The following PRTFDC1 variants were observed in gnomAD, a reference collection of about 807,000 sequenced individuals.
PRTFDC1 encodes the protein phosphoribosyltransferase domain-containing protein 1.
PRTFDC1 carries 38 observed loss-of-function variants against 34.6 expected under a neutral mutation model. That is an observed-to-expected ratio of 1.10 (90% CI 0.85 to 1.44). PRTFDC1 has a LOEUF of 1.44. PRTFDC1 is among the 40% of genes most tolerant of loss of function. PRTFDC1 has a pLI of 0.00. For synonymous variants in PRTFDC1, 93 were observed against 98.1 expected (o/e 0.95, Z 0.31); for missense variants, 270 against 283.0 (o/e 0.95, Z 0.33).
intron 3 of PRTFDC1, among the ~76,000 whole-genome samples, chr10:24,904,748 T>C (rs1443688831): frequency 1.3e-5 from 2 of 152,206 alleles, no homozygotes; most frequent in Non-Finnish European, 2.9e-5. Flanking sequence ...TTACCTATGC[T>C]ACTGATCCTG....
chr10:24,885,555 G>A lies in PRTFDC1; in HGVS notation c.340-13492C>T, dbSNP rs892000685. Reference sequence around the variant, plus strand: ...TGAATAGCTGGGATTACAGATGTGCGCCATCATGCCAGGCTAATTTTTTTA... The same window carrying A: ...TGAATAGCTGGGATTACAGATGTGCACCATCATGCCAGGCTAATTTTTTTA... On this transcript the variant is annotated intron_variant, in intron 3 of 8. Coordinates refer to ENST00000320152, the MANE Select transcript of PRTFDC1 (RefSeq NM_020200.7). Among the ~76,000 whole-genome samples, 28 of 152,154 alleles carry A rather than the reference G, an allele frequency of 1.8e-4. 1 individual carries two copies. The highest frequency in any genetic ancestry group is 1.1e-3 in the Admixed American group (17 of 15,272).
intron 1 of PRTFDC1, among the ~76,000 whole-genome samples, chr10:24,949,711 TTTTG>T (rs1234679861): frequency 7.3e-6 from 1 of 137,398 alleles, no homozygotes; most frequent in East Asian, 2.0e-4. Context: ...TACTCATTTT[TTTTG>T]TTTATTTATT....
intron 3 of PRTFDC1, among the ~76,000 whole-genome samples, chr10:24,872,808 T>TATATATATATATATA (rs1565261776): frequency 3.0e-5 from 2 of 65,830 alleles, no homozygotes; most frequent in African/African-American, 9.1e-5. Context: ...ATATATATAT[T>TATATATATATATATA]TTTTTTTTTT....
chr10:24,898,454 A>C (rs1588601076), intron 3 of PRTFDC1, among the ~76,000 whole-genome samples: 1 of 107,308 alleles, frequency 9.3e-6, no homozygotes, highest in African/African-American at 3.9e-5. Flanking sequence ...ACAGAATGAG[A>C]CCCTGTCTCA....
intron 3 of PRTFDC1, among the ~76,000 whole-genome samples, chr10:24,906,948 G>T (rs914759246): frequency 6.6e-5 from 10 of 152,168 alleles, no homozygotes; most frequent in African/African-American, 2.4e-4. Flanking sequence ...TTGGAATATA[G>T]GCATATCATT....
At chr10:24,934,850 G>A (rs534885565) in intron 3 of PRTFDC1, among the ~76,000 whole-genome samples, 90 of 152,176 alleles carry the variant, frequency 5.9e-4, no homozygotes, top group Non-Finnish European at 1.0e-3. Flanking sequence ...CTCATATTTG[G>A]CTCAGAATAA....
chr10:24,901,154 A>G (rs1848443604), intron 3 of PRTFDC1, among the ~76,000 whole-genome samples: 1 of 152,246 alleles, frequency 6.6e-6, no homozygotes, highest in Admixed American at 6.5e-5. Context: ...ATCACAAGCC[A>G]CAATTATAAT....
At chr10:24,910,954 C>A (rs1022700677) in intron 3 of PRTFDC1, among the ~76,000 whole-genome samples, 15 of 151,194 alleles carry the variant, frequency 9.9e-5, no homozygotes, top group Non-Finnish European at 2.2e-4. Context: ...ACCTTAGCAT[C>A]CCCAGCAGCT....
intron 2 of PRTFDC1, among the ~76,000 whole-genome samples, chr10:24,941,914 A>G (rs756327808): frequency 1.3e-5 from 2 of 152,206 alleles, no homozygotes; most frequent in Non-Finnish European, 2.9e-5. Flanking sequence ...TGGAATTTCC[A>G]TATTTTCAAT....
At chr10:24,901,505 G>A (rs1305246376) in intron 3 of PRTFDC1, among the ~76,000 whole-genome samples, 1 of 152,090 alleles carries the variant, frequency 6.6e-6, no homozygotes, top group Non-Finnish European at 1.5e-5. Context: ...CGAGAGAATT[G>A]CTTGAGTCCA....
intron 2 of PRTFDC1, 50 bp downstream of exon 2, chr10:24,942,280 G>A: frequency 7.0e-7 from 1 of 1,435,354 alleles, no homozygotes; most frequent in Non-Finnish European, 9.8e-7. Flanking sequence ...TCACACAAGT[G>A]TGGGCCGGCC....
intron 4 of PRTFDC1, among the ~76,000 whole-genome samples, chr10:24,866,423 C>T (rs1320618157): frequency 1.3e-5 from 2 of 151,430 alleles, no homozygotes; most frequent in East Asian, 3.9e-4. Flanking sequence ...GGGCATGTCT[C>T]CCAAAATCTT....
Position 24,851,400 on chromosome 10 carries a change from G to C in PRTFDC1, c.618C>G (p.Phe206Leu), listed in dbSNP as rs1357331607. The change falls in exon 8 of 9, where the codon TTC becomes TTG. Residue 206 changes from phenylalanine (F) to leucine (L), a missense_variant. Phe to Leu is a conservative substitution (Grantham distance 22). Transcript: ENST00000320152. ...VGYALDYNEY[F>L]RDLNHICVIN... Reference sequence around the variant, plus strand: ...ATGCAAGACTTACATTCAGATCTCTGAAGTATTCATTGTAATCTAAGGCAT... The same window carrying C: ...ATGCAAGACTTACATTCAGATCTCTCAAGTATTCATTGTAATCTAAGGCAT... 1.2e-6 allele frequency: 2 copies of C among 1,611,206 alleles called. No individual in the cohort carries two copies. The highest frequency in any genetic ancestry group is 4.5e-5 in the East Asian group (2 of 44,824).
intron 7 of PRTFDC1, among the ~76,000 whole-genome samples, chr10:24,852,620 AG>A (rs983378620): frequency 1.3e-5 from 2 of 152,354 alleles, no homozygotes; most frequent in African/African-American, 4.8e-5. Flanking sequence ...AGAATTCTTA[AG>A]GAACAGACAA....
At chr10:24,939,159 G>C (rs1849106042) in intron 2 of PRTFDC1, among the ~76,000 whole-genome samples, 1 of 151,606 alleles carries the variant, frequency 6.6e-6, no homozygotes, top group Admixed American at 6.6e-5. Flanking sequence ...AAATTAGCCG[G>C]GCTTGGTGGT....
chr10:24,854,336 T>C (rs925323288), intron 7 of PRTFDC1, among the ~76,000 whole-genome samples: 3 of 152,166 alleles, frequency 2.0e-5, no homozygotes, highest in African/African-American at 7.2e-5. Context: ...TGCGATTGGG[T>C]CTCTCTGCCC....
intron 3 of PRTFDC1, among the ~76,000 whole-genome samples, chr10:24,898,552 G>A (rs2132549544): frequency 6.6e-6 from 1 of 151,506 alleles, no homozygotes; most frequent in South Asian, 2.1e-4. Context: ...AATAGAACCA[G>A]GAACACAGAT....
intron 3 of PRTFDC1, among the ~76,000 whole-genome samples, chr10:24,893,207 T>TC (rs1394053309): frequency 6.6e-5 from 10 of 152,356 alleles, no homozygotes; most frequent in East Asian, 1.9e-4. Context: ...TCTTAATAAT[T>TC]AGATAGGCAT....
chr10:24,851,305 C>A (rs774249376), intron 8 of PRTFDC1, 83 bp downstream of exon 8: 1 of 1,532,530 alleles, frequency 6.5e-7, no homozygotes, highest in Non-Finnish European at 8.7e-7. Context: ...CAATAGCAGA[C>A]ATCACTAACA....
Sources: allele counts gnomAD v4.1 joint callset (sites outside exome capture counted in the v4.1 genomes callset), GRCh38; gene constraint gnomAD v4.1.1; transcripts MANE v1.5; gene names NCBI Gene and HGNC (gene_info 2026-07-23, HGNC 2026-07-21).